The following CLIP2 variants were observed in gnomAD, a reference collection of about 807,000 sequenced individuals.
CLIP2 encodes the protein CAP-Gly domain containing linker protein 2.
Under a neutral mutation model 111.7 loss-of-function variants are expected in CLIP2, and 41 were observed. The observed-to-expected ratio is 0.37, with a 90% confidence interval of 0.29 to 0.48. The LOEUF (loss-of-function observed/expected upper bound fraction) is 0.48. CLIP2 is among the 20% of genes least tolerant of loss of function. The pLI is 0.99. For missense variants in CLIP2, 1,160 were observed against 1,422.1 expected (o/e 0.82, Z 2.96); for synonymous variants, 660 against 644.2 (o/e 1.02, Z -0.37).
chr7:74,314,229 G>A (rs1788712843), intron 1 of CLIP2, among the ~76,000 whole-genome samples: 1 of 150,860 alleles, frequency 6.6e-6, no homozygotes, highest in Non-Finnish European at 1.5e-5. Context: ...GGTGGCTCAT[G>A]CCTGTAATCC....
Position 74,390,222 on chromosome 7 carries a change from A to G in CLIP2, c.2720+963A>G, listed in dbSNP as rs187897532. Among the ~76,000 whole-genome samples, 35 of 56,060 alleles carry G rather than the reference A, an allele frequency of 6.2e-4. 1 individual carries two copies. The highest frequency in any genetic ancestry group is 1.3e-3 in the African/African-American group (26 of 19,400). 36.8% of individuals were successfully genotyped at this position (56,060 alleles called of 152,430 possible). A position where few individuals can be genotyped will look rare whatever the true frequency, so the allele number is the denominator to read the frequency against. ...GAAAGAAAGAAAGAAAGAAAGAAAG[A>G]AAGGATTAATGCCTCCCCAAAATGT... On this transcript the variant is annotated intron_variant, in intron 13 of 16. Transcript: ENST00000223398.
intron 2 of CLIP2, among the ~76,000 whole-genome samples, chr7:74,336,607 C>G (rs501164): frequency 0.61 from 93,003 of 151,758 alleles, 30,458 homozygotes; most frequent in Middle Eastern, 0.74. Flanking sequence ...TAAGCTCCCA[C>G]TGGGTACCTC....
At chr7:74,341,272 C>T (rs1287378538) in intron 3 of CLIP2, among the ~76,000 whole-genome samples, 2 of 152,154 alleles carry the variant, frequency 1.3e-5, no homozygotes, top group Non-Finnish European at 2.9e-5. Flanking sequence ...ACTGCAACCT[C>T]CACCTCCCAG....
intron 8 of CLIP2, chr7:74,364,740 G>A (rs1790427238): frequency 2.6e-6 from 1 of 379,666 alleles, no homozygotes; most frequent in African/African-American, 2.1e-5. Flanking sequence ...GAGACCAAGG[G>A]AGCTGGGTAT....
At chr7:74,364,867 T>A (rs782403693) in intron 8 of CLIP2, 46 of 455,316 alleles carry the variant, frequency 1.0e-4, no homozygotes, top group African/African-American at 7.4e-4. Context: ...ACAAAAAATT[T>A]AAAAAGTTAG....
rs529088176 is a variant in CLIP2, at chr7:74,391,492, CTGAGCCTTTAAGAAA to C, written c.2720+2235_2720+2249del. ...GATAGACATGGTTTGTGTGGTCCCT[CTGAGCCTTTAAGAAA>C]TTAGACTAACAATTAAAAATCAGAA... On this transcript the variant is annotated intron_variant, in intron 13 of 16. Transcript: ENST00000223398. Among the ~76,000 whole-genome samples, 913 of 152,200 alleles carry C rather than the reference CTGAGCCTTTAAGAAA, an allele frequency of 6.0e-3. 9 individuals are homozygous for C. Among genetic ancestry groups the C allele is most frequent in the African/African-American group, 0.021 (870 of 41,542 alleles).
rs574365152 is a variant in CLIP2 at position 74,299,791 on chromosome 7, C to T, written c.-68+10057C>T. On this transcript the variant is annotated intron_variant, in intron 1 of 16. Coordinates refer to ENST00000223398, the MANE Select transcript of CLIP2 (RefSeq NM_003388.5). ...TCGGCTCACCGCATCCTCCACCTTC[C>T]GGGTTCAAGCGATTCTCCTGCCTCA... is the stretch of plus-strand genomic sequence containing the variant. Among the ~76,000 whole-genome samples, 15 of 151,682 alleles carry T rather than the reference C, an allele frequency of 9.9e-5. No homozygotes were observed. In the South Asian group the frequency reaches 2.9e-3, roughly 29 times the overall value.
At chr7:74,332,364 G>A (rs183013677) in intron 2 of CLIP2, among the ~76,000 whole-genome samples, 84 of 150,530 alleles carry the variant, frequency 5.6e-4, no homozygotes, top group Non-Finnish European at 1.0e-3. Context: ...ATGAGCCACT[G>A]TGCCCCGTGT....
intron 1 of CLIP2, among the ~76,000 whole-genome samples, chr7:74,290,224 C>T (rs1300802574): frequency 1.3e-5 from 2 of 152,188 alleles, no homozygotes; most frequent in Non-Finnish European, 2.9e-5. Context: ...GGGACTGCCC[C>T]CCTCTCCTCC....
At chr7:74,291,180 G>A (rs1413982281) in intron 1 of CLIP2, among the ~76,000 whole-genome samples, 1 of 152,158 alleles carries the variant, frequency 6.6e-6, no homozygotes, top group African/African-American at 2.4e-5. Context: ...CTTCAGGACA[G>A]GTGGAGGCGG....
chr7:74,294,308 A>T (rs1172738286), intron 1 of CLIP2, among the ~76,000 whole-genome samples: 1 of 152,214 alleles, frequency 6.6e-6, no homozygotes, highest in Non-Finnish European at 1.5e-5. Context: ...TACAAAACTC[A>T]TGTTTGCAGA....
chr7:74,392,360 AAAAAGAAAAGG>A (rs2116696500), intron 13 of CLIP2, among the ~76,000 whole-genome samples: 1 of 149,922 alleles, frequency 6.7e-6, no homozygotes, highest in South Asian at 2.1e-4. Context: ...CAAAAAAAAA[AAAAAGAAAAGG>A]AAAGAAAAGA....
At chr7:74,356,745 C>G (rs1416152236) in intron 5 of CLIP2, 122 bp downstream of exon 5, 2 of 924,216 alleles carry the variant, frequency 2.2e-6, no homozygotes, top group Non-Finnish European at 3.3e-6. Flanking sequence ...GATTTTTGAA[C>G]AAAGAAGAAA....
chr7:74,302,488 A>C (rs1788367558), intron 1 of CLIP2, among the ~76,000 whole-genome samples: 1 of 152,024 alleles, frequency 6.6e-6, no homozygotes, highest in Non-Finnish European at 1.5e-5. Context: ...AGGCCTGGCC[A>C]GAAGATGCCT....
At position 74,397,214 on chromosome 7, in the gene CLIP2, G is replaced by A. The variant is rs202032668; in HGVS notation, c.2861G>A (p.Arg954His). The A allele has an allele frequency of 3.3e-5, 54 of 1,613,348 alleles. No individual in the cohort carries two copies. Among genetic ancestry groups the A allele is most frequent in the South Asian group, 5.5e-5 (5 of 91,052 alleles). The change falls in exon 14 of 17, where the codon CGT (arginine) becomes CAT (histidine). Residue 954 changes from arginine to histidine, a missense_variant. Physicochemically the swap from Arg to His is conservative, Grantham distance 29 (BLOSUM62 0). Coordinates refer to ENST00000223398, the MANE Select transcript of CLIP2 (RefSeq NM_003388.5). ...CTCAAGGATGACATCCGGGGCCTGC[G>A]TGAAAAGCTGACCGGGCTGGTATGT... is the stretch of plus-strand genomic sequence containing the variant. ...QKLKDDIRGL[R>H]EKLTGLDKEK...
intron 2 of CLIP2, among the ~76,000 whole-genome samples, chr7:74,330,037 C>T (rs1789232012): frequency 6.6e-6 from 1 of 151,928 alleles, no homozygotes; most frequent in Non-Finnish European, 1.5e-5. Flanking sequence ...CCTTGGCCTC[C>T]CAAAGTGCTG....
At chr7:74,293,064 C>T (rs949916018) in intron 1 of CLIP2, among the ~76,000 whole-genome samples, 1 of 152,194 alleles carries the variant, frequency 6.6e-6, no homozygotes, top group African/African-American at 2.4e-5. Context: ...GCTGACGTGG[C>T]CCCTTTAATA....
At chr7:74,374,669 C>T (rs1257990918) in intron 9 of CLIP2, among the ~76,000 whole-genome samples, 2 of 151,806 alleles carry the variant, frequency 1.3e-5, no homozygotes, top group African/African-American at 2.4e-5. Flanking sequence ...TGCAGTGAGC[C>T]GAGATGGTGC....
intron 2 of CLIP2, among the ~76,000 whole-genome samples, chr7:74,318,902 G>A (rs1788866907): frequency 6.6e-6 from 1 of 152,152 alleles, no homozygotes; most frequent in South Asian, 2.1e-4. Context: ...CCTGGGTCCT[G>A]GGGAAGGGGG....
Sources: gnomAD v4.1 joint callset for allele counts (sites outside exome capture counted in the v4.1 genomes callset) on GRCh38, gnomAD v4.1.1 for gene constraint, MANE v1.5 for transcripts, NCBI Gene and HGNC (gene_info 2026-07-23, HGNC 2026-07-21) for gene names.